BICRA: variants seen among roughly 807,000 people sequenced by gnomAD.
The protein encoded by BICRA is BRD4 interacting chromatin remodeling complex associated protein.
BICRA carries 31 observed loss-of-function variants against 96.9 expected under a neutral mutation model. That is an observed-to-expected ratio of 0.32 (90% confidence interval 0.24 to 0.43). The LOEUF is 0.43. BICRA is among the 20% of genes least tolerant of loss of function. The probability of loss-of-function intolerance (pLI) is 1.00; values close to 1 mark genes in which losing one functional copy is unlikely to be tolerated. For missense variants in BICRA, 2,283 were observed against 2,190.3 expected (o/e 1.04, Z -0.84); for synonymous variants, 1,350 against 1,071.8 (o/e 1.26, Z -5.07).
intron 7 of BICRA, among the ~76,000 whole-genome samples, chr19:47,684,218 C>A (rs751452792): frequency 1.3e-5 from 2 of 152,082 alleles, no homozygotes; most frequent in Admixed American, 6.6e-5. Context: ...AGTCCCACTC[C>A]GTCGCCTAGG....
intron 1 of BICRA, among the ~76,000 whole-genome samples, chr19:47,656,595 C>A (rs1972622525): frequency 6.6e-6 from 1 of 152,148 alleles, no homozygotes; most frequent in Admixed American, 6.5e-5. Context: ...CGATCAATTG[C>A]ACAGGGGTTT....
At position 47,702,515 on chromosome 19, in the gene BICRA, T is replaced by C; in HGVS notation, c.*100T>C. On this transcript the variant is annotated 3_prime_UTR_variant, in exon 15 of 15. Coordinates refer to ENST00000594866, the MANE Select transcript of BICRA (RefSeq NM_001394372.1). ...CTGGGGACTCGAGCCGGGGATCCCC[T>C]GACGGTTTTTCTTGCCTAAGTTATT... is the stretch of plus-strand genomic sequence containing the variant. The C allele has an allele frequency of 7.5e-7, 1 of 1,328,372 alleles. No homozygotes were observed. Among genetic ancestry groups the C allele is most frequent in the Non-Finnish European group, 9.7e-7 (1 of 1,030,748 alleles). The allele number at this position is 1,328,372 out of a possible 1,614,324, so 82.3% of individuals were successfully genotyped here. A position where few individuals can be genotyped will look rare whatever the true frequency, so the allele number is the denominator to read the frequency against.
chr19:47,679,720 C>T lies in BICRA; in HGVS notation c.550C>T (p.Pro184Ser). Residue 184 changes from proline to serine, a missense_variant, in exon 6 of 15, where the codon CCC becomes TCC. By Grantham distance (74) the Pro-to-Ser change is moderately conservative (BLOSUM62 -1). Transcript: ENST00000594866. Reference protein sequence around the residue: ...TVLTHQALVPPQDVVNKALSV... With the variant: ...TVLTHQALVPSQDVVNKALSV... ...GCTGACCCACCAGGCCCTGGTGCCG[C>T]CCCAGGACGTGGTCAACAAGGCCCT... 1 of 1,536,362 alleles carries T rather than the reference C, an allele frequency of 6.5e-7. No individual in the cohort carries two copies. Among genetic ancestry groups the T allele is most frequent in the African/African-American group, 1.4e-5 (1 of 72,622 alleles).
intron 2 of BICRA, 51 bp from the exon 3 acceptor site, chr19:47,673,519 C>CA: frequency 1.3e-6 from 2 of 1,533,282 alleles, no homozygotes; most frequent in Admixed American, 3.3e-5. Context: ...GGCAAGCTGC[C>CA]AAAATCTAAC....
chr19:47,639,617 C>T (rs1408644083), intron 1 of BICRA, among the ~76,000 whole-genome samples: 16 of 145,748 alleles, frequency 1.1e-4, no homozygotes, highest in Middle Eastern at 3.6e-3. Flanking sequence ...CGTGAGCCAC[C>T]GCGGCCAGCC....
At chr19:47,690,073 C>T (rs1973218167) in intron 7 of BICRA, among the ~76,000 whole-genome samples, 1 of 152,156 alleles carries the variant, frequency 6.6e-6, no homozygotes, top group South Asian at 2.1e-4. Flanking sequence ...GTGATACTGG[C>T]TCACTGCAAC....
rs905273081 is a variant in BICRA at position 47,698,839 on chromosome 19, C to A, written c.3397+57C>A. Reference sequence around the variant, plus strand: ...TCCCAGGGGACCCCAGCCCGTGGGGCGGGGCGTCGCCAGTGTGGAGCCGCA... The same window carrying A: ...TCCCAGGGGACCCCAGCCCGTGGGGAGGGGCGTCGCCAGTGTGGAGCCGCA... On this transcript the variant is annotated intron_variant, in intron 12 of 14. Coordinates refer to ENST00000594866, the MANE Select transcript of BICRA (RefSeq NM_001394372.1). This position sits in a 1 kb window ranked among gnomAD's most constrained non-coding sequence, Gnocchi z 4.8. 7.6e-6 allele frequency: 11 copies of A among 1,450,008 alleles called. No individual in the cohort carries two copies. The African/African-American group carries it at 9.8e-5, about 13-fold the overall frequency. The allele number at this position is 1,450,008 out of a possible 1,614,324, so 89.8% of individuals were successfully genotyped here.
intron 1 of BICRA, among the ~76,000 whole-genome samples, chr19:47,657,971 G>A (rs1267145483): frequency 6.6e-6 from 1 of 151,266 alleles, no homozygotes; most frequent in Non-Finnish European, 1.5e-5. Context: ...GGGAACCTCT[G>A]ATTCTCTTGA....
At chr19:47,666,623 G>A (rs1972783362) in intron 1 of BICRA, among the ~76,000 whole-genome samples, 1 of 151,914 alleles carries the variant, frequency 6.6e-6, no homozygotes, top group Non-Finnish European at 1.5e-5. Context: ...CCAGGCTGGA[G>A]TGTGGTGGTG....
intron 5 of BICRA, among the ~76,000 whole-genome samples, chr19:47,676,787 T>A (rs957510569): frequency 7.9e-5 from 12 of 151,880 alleles, no homozygotes; most frequent in Non-Finnish European, 1.5e-5. Flanking sequence ...GTTGGTCTAT[T>A]TACAGGCCCA....
At chr19:47,671,252 A>G (rs1972858040) in intron 2 of BICRA, among the ~76,000 whole-genome samples, 1 of 152,120 alleles carries the variant, frequency 6.6e-6, no homozygotes, top group Non-Finnish European at 1.5e-5. Context: ...GGGTGGCACT[A>G]AGGAGGCCCC....
chr19:47,620,667 C>CAAAAAAAAAAA (rs10675281), intron 1 of BICRA, among the ~76,000 whole-genome samples: 2 of 67,682 alleles, frequency 3.0e-5, no homozygotes, highest in Non-Finnish European at 5.1e-5. Flanking sequence ...GAGACTGTCT[C>CAAAAAAAAAAA]AAAAAAAAAA....
chr19:47,667,558 G>A (rs987799462), intron 1 of BICRA, among the ~76,000 whole-genome samples: 13 of 152,124 alleles, frequency 8.5e-5, no homozygotes, highest in South Asian at 8.3e-4. Flanking sequence ...TTGGGAGCTC[G>A]TGCACACCTT....
chr19:47,695,342 T>TCGGGCCCCCCCCCCCCCCCCCCCCCC, intron 9 of BICRA, 23 bp from the exon 10 acceptor site: 1 of 630,174 alleles, frequency 1.6e-6, no homozygotes, highest in Non-Finnish European at 2.8e-6. Context: ...AGGCCCTGTC[T>TCGGGCCCCCCCCCCCCCCCCCCCCCC]CCCCCACCCC....
intron 9 of BICRA, 26 bp downstream of exon 9, chr19:47,695,106 C>CCGTCTCCCTGGGCACAT: frequency 6.9e-7 from 1 of 1,451,118 alleles, no homozygotes; most frequent in Non-Finnish European, 9.1e-7. Context: ...CCTATGTGCC[C>CCGTCTCCCTGGGCACAT]AGGGAGACGG....
At position 47,698,844 on chromosome 19, in the gene BICRA, C is replaced by T. The variant is rs1973391398; in HGVS notation, c.3397+62C>T. On this transcript the variant is annotated intron_variant, in intron 12 of 14. Transcript: ENST00000594866. The surrounding 1 kb of genome is among the most constrained non-coding windows in gnomAD (Gnocchi z 4.8). ...GGGGACCCCAGCCCGTGGGGCGGGG[C>T]GTCGCCAGTGTGGAGCCGCAGGTCC... 2 of 1,436,832 alleles carry T rather than the reference C, an allele frequency of 1.4e-6. No homozygotes were observed. Among genetic ancestry groups the T allele is most frequent in the Non-Finnish European group, 1.9e-6 (2 of 1,044,344 alleles). The allele number at this position is 1,436,832 out of a possible 1,614,324, so 89.0% of individuals were successfully genotyped here.
intron 1 of BICRA, among the ~76,000 whole-genome samples, chr19:47,612,356 G>A (rs1424670098): frequency 6.6e-6 from 1 of 151,842 alleles, no homozygotes; most frequent in Non-Finnish European, 1.5e-5. Flanking sequence ...TTTGAAGCTG[G>A]GGTGAGCCGT....
At chr19:47,676,290 G>A (rs1390506147) in intron 5 of BICRA, among the ~76,000 whole-genome samples, 1 of 152,076 alleles carries the variant, frequency 6.6e-6, no homozygotes, top group Admixed American at 6.5e-5. Context: ...GAGGCCTGGG[G>A]TCCTGCCCAA....
intron 1 of BICRA, among the ~76,000 whole-genome samples, chr19:47,643,125 A>G (rs1347140470): frequency 2.0e-5 from 3 of 152,224 alleles, no homozygotes; most frequent in South Asian, 2.1e-4. Flanking sequence ...GCCCTCCACC[A>G]TGCCCGGCTA....
Sources: allele counts gnomAD v4.1 joint callset (sites outside exome capture counted in the v4.1 genomes callset), GRCh38; gene constraint gnomAD v4.1.1; non-coding constraint Gnocchi (gnomAD v3.1); transcripts MANE v1.5; gene names NCBI Gene and HGNC (gene_info 2026-07-23, HGNC 2026-07-21).